The following CARMIL3 variants were observed in gnomAD, a reference collection of about 807,000 sequenced individuals.
CARMIL3 encodes capping protein regulator and myosin 1 linker 3, also known as capping protein, Arp2/3 and myosin-I linker protein 3.
CARMIL3 carries 88 observed loss-of-function variants against 180.8 expected under a neutral mutation model. The ratio of observed to expected loss-of-function variants is 0.49; its 90% CI spans 0.41 to 0.58. The LOEUF (loss-of-function observed/expected upper bound fraction) is 0.58, where lower values mean the gene tolerates loss of function less well. Among genes scored for constraint, CARMIL3 ranks in the 20% least tolerant of loss-of-function variants. The pLI is 0.00. For synonymous variants in CARMIL3, 696 were observed against 714.5 expected (o/e 0.97, Z 0.41); for missense variants, 1,548 against 1,787.0 (o/e 0.87, Z 2.41).
rs747254517 is a variant in CARMIL3 at position 24,054,478 on chromosome 14, G to A, written c.329G>A (p.Ser110Asn). The change falls in exon 5 of 40, where the codon AGC becomes AAC. Residue 110 changes from serine to asparagine, a missense_variant. Physicochemically the swap from Ser to Asn is conservative, Grantham distance 46. Around this residue, in one of 4 missense-constraint regions of CARMIL3, gnomAD observed 578 missense variants for 666.5 expected, o/e 0.87. Transcript: ENST00000342740. This position sits in a 1 kb window ranked among gnomAD's most constrained non-coding sequence, Gnocchi z 5.1. ...ESVDQVTRHV[S>N]SALSKVCPGP... The stretch of plus-strand genomic sequence containing the variant: ...GTGGACCAGGTGACACGACATGTGA[G>A]CTCTGCCCTGTCCAAGGTCTGCCCT... 3.1e-6 allele frequency: 5 copies of A among 1,613,992 alleles called. No homozygotes were observed. The highest frequency in any genetic ancestry group is 4.2e-6 in the Non-Finnish European group (5 of 1,180,038).
chr14:24,055,570 G>A lies in CARMIL3; in HGVS notation c.633G>A (p.Leu211=). 1.2e-6 allele frequency: 2 copies of A among 1,614,114 alleles called. No individual in the cohort carries two copies. ...ACTTGGCCCTAATGGTAGCAGCCCT[G>A]GCCTACAACCAGTGGTTCACCAAAC... is the stretch of plus-strand genomic sequence containing the variant. ...SRDLALMVAA[L]AYNQWFTKLY... is the part of the protein sequence containing the mutation. Residue 211 remains leucine (L), a synonymous_variant, in exon 9 of 40, where the codon CTG becomes CTA. Coordinates refer to ENST00000342740, the MANE Select transcript of CARMIL3 (RefSeq NM_138360.4).
chr14:24,064,016 C>A (rs2035759239), intron 31 of CARMIL3, among the ~76,000 whole-genome samples: 1 of 150,730 alleles, frequency 6.6e-6, no homozygotes, highest in African/African-American at 2.4e-5. Flanking sequence ...ACTGCGTGAA[C>A]CCAGGAGGCG....
chr14:24,056,852 T>A, intron 12 of CARMIL3, 63 bp from the exon 13 acceptor site: 2 of 1,561,744 alleles, frequency 1.3e-6, no homozygotes, highest in Non-Finnish European at 1.8e-6. Context: ...AGGGGAAGAG[T>A]TATGTGCTGA....
chr14:24,053,636 A>G lies in CARMIL3; in HGVS notation c.41-73A>G, dbSNP rs80006634. ...CCCATTTGACCCTGACCCTGCCTCTATCTGGAGAGCTCTGGGAGGTGGGGG... is the reference window on the plus strand; with the variant it reads ...CCCATTTGACCCTGACCCTGCCTCTGTCTGGAGAGCTCTGGGAGGTGGGGG... On this transcript the variant is annotated intron_variant, in intron 1 of 39. Transcript: ENST00000342740. 6.6e-4 allele frequency: 748 copies of G among 1,124,996 alleles called. 6 individuals are homozygous for G. In the African/African-American group the frequency reaches 0.01, roughly 15 times the overall value. 69.7% of individuals were successfully genotyped at this position (1,124,996 alleles called of 1,614,324 possible).
chr14:24,060,057 G>C lies in CARMIL3; in HGVS notation c.1956G>C (p.Trp652Cys), dbSNP rs2035716583. The C allele has an allele frequency of 6.2e-7, 1 of 1,613,758 alleles. No individual in the cohort carries two copies. The highest frequency in any genetic ancestry group is 8.5e-7 in the Non-Finnish European group (1 of 1,180,036). The change falls in exon 23 of 40, where the codon TGG (tryptophan) becomes TGC (cysteine). Residue 652 changes from tryptophan to cysteine, a missense_variant. By Grantham distance (215) the Trp-to-Cys change is radical. Around this residue, in one of 4 missense-constraint regions of CARMIL3, gnomAD observed 297 missense variants for 415.9 expected, o/e 0.71. Coordinates refer to ENST00000342740, the MANE Select transcript of CARMIL3 (RefSeq NM_138360.4). ...CGCCTGAGCGCACCGAGGACGTCTGGCAGAAGGTGCAGGGTGCTGTCCTAA... is the reference window on the plus strand; with the variant it reads ...CGCCTGAGCGCACCGAGGACGTCTGCCAGAAGGTGCAGGGTGCTGTCCTAA... ...RSAPERTEDV[W>C]QKIQWCLVRN... is the part of the protein sequence containing the mutation.
In CARMIL3 at chr14:24,069,546, G is replaced by A. The variant is rs2035842194; in HGVS notation, c.*142G>A. ...CAGGACCAGGCATGGGGGAGCTGGAGGCAGGGACTAGAACAGAGGGAGCCA... is the reference window on the plus strand; with the variant it reads ...CAGGACCAGGCATGGGGGAGCTGGAAGCAGGGACTAGAACAGAGGGAGCCA... On this transcript the variant is annotated 3_prime_UTR_variant, in exon 40 of 40. Coordinates refer to ENST00000342740, the MANE Select transcript of CARMIL3 (RefSeq NM_138360.4). The A allele has an allele frequency of 2.7e-6, 3 of 1,097,706 alleles. No individual in the cohort carries two copies. The African/African-American group carries it at 4.7e-5, about 17-fold the overall frequency. 68.0% of individuals were successfully genotyped at this position (1,097,706 alleles called of 1,614,324 possible).
In CARMIL3 at chr14:24,054,663, T is replaced by A; in HGVS notation, c.363-48T>A. On this transcript the variant is annotated intron_variant, in intron 5 of 39. Coordinates refer to ENST00000342740, the MANE Select transcript of CARMIL3 (RefSeq NM_138360.4). This position sits in a 1 kb window ranked among gnomAD's most constrained non-coding sequence, Gnocchi z 5.1. ...GCAGGAGCTATAACGTGGGAAGAAC[T>A]GAGAGCCTCTTTCCAGCCCTCTCTG... 6.3e-7 allele frequency: 1 copy of A among 1,578,124 alleles called. No individual in the cohort carries two copies. Among genetic ancestry groups the A allele is most frequent in the South Asian group, 1.1e-5 (1 of 89,746 alleles).
chr14:24,055,839 AG>A (rs1555335645), intron 10 of CARMIL3, 50 bp downstream of exon 10: 9 of 1,539,612 alleles, frequency 5.8e-6, no homozygotes, highest in Non-Finnish European at 8.1e-6. Context: ...ATGTAGTTTT[AG>A]GGTCCCAGAA....
In CARMIL3 at chr14:24,069,369, TC is replaced by T. The variant is rs1316113687; in HGVS notation, c.4094-6del. 5 of 1,613,886 alleles carry T rather than the reference TC, an allele frequency of 3.1e-6. No individual in the cohort carries two copies. Among genetic ancestry groups the T allele is most frequent in the Admixed American group, 3.3e-5 (2 of 59,986 alleles). The stretch of plus-strand genomic sequence containing the variant: ...CAGGAAACAGGGCTCCCTGGATTTG[TC>T]CCCAGCAGGAACCAGTGAGCCAGGA... On this transcript the variant is annotated splice_polypyrimidine_tract_variant and intron_variant, in intron 39 of 39. Transcript: ENST00000342740.
chr14:24,061,171 G>A lies in CARMIL3; in HGVS notation c.2304+131G>A, dbSNP rs912060634. On this transcript the variant is annotated intron_variant, in intron 26 of 39. Transcript: ENST00000342740. This position sits in a 1 kb window ranked among gnomAD's most constrained non-coding sequence, Gnocchi z 4.1. ...GACATGCAGAGTTGAGACCACCCAC[G>A]CTCCCACTGTACCAAGGCATTGCTG... is the stretch of plus-strand genomic sequence containing the variant. 70 of 751,852 alleles carry A rather than the reference G, an allele frequency of 9.3e-5. No individual in the cohort carries two copies. Among genetic ancestry groups the A allele is most frequent in the African/African-American group, 9.1e-4 (52 of 56,870 alleles). The allele number at this position is 751,852 out of a possible 1,614,324, so 46.6% of individuals were successfully genotyped here. A position where few individuals can be genotyped will look rare whatever the true frequency, so the allele number is the denominator to read the frequency against.
Position 24,064,288 on chromosome 14 carries a change from C to A in CARMIL3, c.3022C>A (p.Arg1008Ser). ...GTRQENGMAT[R>S]LDEGLEDFFS... ...TCGTCAGGAGAATGGGATGGCCACC[C>A]GCCTGGATGAAGGGCTGGAGGACTT... The change falls in exon 32 of 40, where the codon CGC becomes AGC. Residue 1008 changes from arginine to serine, a missense_variant. Physicochemically the swap from Arg to Ser is moderately radical, Grantham distance 110 (BLOSUM62 -1). Transcript: ENST00000342740. The A allele has an allele frequency of 1.9e-6, 3 of 1,612,974 alleles. No homozygotes were observed. Among genetic ancestry groups the A allele is most frequent in the South Asian group, 1.1e-5 (1 of 90,786 alleles).
Position 24,061,195 on chromosome 14 carries a change from T to C in CARMIL3, c.2304+155T>C, listed in dbSNP as rs1245410473. On this transcript the variant is annotated intron_variant, in intron 26 of 39. Coordinates refer to ENST00000342740, the MANE Select transcript of CARMIL3 (RefSeq NM_138360.4). The surrounding 1 kb of genome is among the most constrained non-coding windows in gnomAD (Gnocchi z 4.1). ...CGCTCCCACTGTACCAAGGCATTGC[T>C]GCAATATCAGGCTTGGATTTTTTTC... The C allele has an allele frequency of 1.3e-5, 9 of 681,198 alleles. No individual in the cohort carries two copies. The highest frequency in any genetic ancestry group is 3.9e-5 in the South Asian group (2 of 51,522). The allele number at this position is 681,198 out of a possible 1,614,324, so 42.2% of individuals were successfully genotyped here.
Position 24,059,787 on chromosome 14 carries a change from A to G in CARMIL3, c.1868+55A>G. The G allele has an allele frequency of 6.3e-7, 1 of 1,585,060 alleles. No individual in the cohort carries two copies. Among genetic ancestry groups the G allele is most frequent in the South Asian group, 1.1e-5 (1 of 90,224 alleles). ...AAGTCCCCAGCCTCCCTGTGCCTGG[A>G]TCAGGCCTGAACTACTCTTGCCCCA... On this transcript the variant is annotated intron_variant, in intron 22 of 39. Coordinates refer to ENST00000342740, the MANE Select transcript of CARMIL3 (RefSeq NM_138360.4). The surrounding 1 kb of genome is among the most constrained non-coding windows in gnomAD (Gnocchi z 6.3).
rs1216471717 is a variant in CARMIL3, at chr14:24,059,519, G to C, written c.1799+77G>C. The C allele has an allele frequency of 6.6e-7, 1 of 1,524,930 alleles. No homozygotes were observed. The highest frequency in any genetic ancestry group is 8.9e-7 in the Non-Finnish European group (1 of 1,127,144). The allele number at this position is 1,524,930 out of a possible 1,614,324, so 94.5% of individuals were successfully genotyped here. On this transcript the variant is annotated intron_variant, in intron 21 of 39. Transcript: ENST00000342740. This position sits in a 1 kb window ranked among gnomAD's most constrained non-coding sequence, Gnocchi z 6.3. ...TGTACATAATCTCCCTGCTTTCCTT[G>C]ATGCTCTGGACCCCAGCTTCCAGAA...
intron 31 of CARMIL3, 64 bp downstream of exon 31, chr14:24,063,597 A>C: frequency 6.8e-7 from 1 of 1,470,678 alleles, no homozygotes; most frequent in Non-Finnish European, 9.2e-7. Context: ...CAGGAGTTTT[A>C]CCTTTAGGAC....
chr14:24,057,812 G>A lies in CARMIL3; in HGVS notation c.1150G>A (p.Ala384Thr), dbSNP rs2035687068. ...TDCVIDLLLGALLHGCCSHLT... is the reference protein window; with the variant it reads ...TDCVIDLLLGTLLHGCCSHLT... Reference sequence around the variant, plus strand: ...ATATCTCCCCCCACAGCTTCTCGGTGCCCTGCTCCACGGCTGCTGCTCCCA... The same window carrying A: ...ATATCTCCCCCCACAGCTTCTCGGTACCCTGCTCCACGGCTGCTGCTCCCA... The change falls in exon 15 of 40, where the codon GCC becomes ACC. Residue 384 changes from alanine to threonine, a missense_variant. By Grantham distance (58) the Ala-to-Thr change is moderately conservative (BLOSUM62 0). Around this residue, in one of 4 missense-constraint regions of CARMIL3, gnomAD observed 578 missense variants for 666.5 expected, o/e 0.87. Transcript: ENST00000342740. The A allele has an allele frequency of 6.2e-7, 1 of 1,609,322 alleles. No homozygotes were observed. The highest frequency in any genetic ancestry group is 1.3e-5 in the African/African-American group (1 of 74,584).
intron 13 of CARMIL3, 45 bp downstream of exon 13, chr14:24,057,069 A>C: frequency 1.9e-6 from 3 of 1,600,250 alleles, no homozygotes; most frequent in Non-Finnish European, 2.6e-6. Context: ...AAGCATGCTT[A>C]AGCTTCAGGA....
chr14:24,068,588 A>G lies in CARMIL3; in HGVS notation c.3687A>G (p.Glu1229=), dbSNP rs751396590. 19 of 1,610,800 alleles carry G rather than the reference A, an allele frequency of 1.2e-5. No homozygotes were observed. The East Asian group carries it at 3.8e-4, about 32-fold the overall frequency. Residue 1229 remains glutamate (E), a synonymous_variant, in exon 37 of 40, where the codon GAA becomes GAG. Coordinates refer to ENST00000342740, the MANE Select transcript of CARMIL3 (RefSeq NM_138360.4). ...TCTCCTCTCTCTCATCCCCAGCTGAAGAGAGTGCCCCCAACCACAGCTGCC... is the reference window on the plus strand; with the variant it reads ...TCTCCTCTCTCTCATCCCCAGCTGAGGAGAGTGCCCCCAACCACAGCTGCC... The part of the protein sequence containing the change: ...RRAEATWHIA[E]ESAPNHSCQS...
In CARMIL3 at chr14:24,063,167, G is replaced by A. The variant is rs750048714; in HGVS notation, c.2754G>A (p.Pro918=). ...KKQKRCRKIR[P]VSAFISGSPQ... ...AGAAACGCTGCCGCAAGATTCGGCCGGTGTCTGCCTTCATCAGTGAGTCTC... is the reference window on the plus strand; with the variant it reads ...AGAAACGCTGCCGCAAGATTCGGCCAGTGTCTGCCTTCATCAGTGAGTCTC... The change falls in exon 30 of 40, where the codon CCG becomes CCA. Residue 918 remains proline (P), a synonymous_variant. Coordinates refer to ENST00000342740, the MANE Select transcript of CARMIL3 (RefSeq NM_138360.4). The A allele has an allele frequency of 1.1e-5, 18 of 1,613,144 alleles. No homozygotes were observed. The highest frequency in any genetic ancestry group is 1.3e-5 in the Non-Finnish European group (15 of 1,179,186).
Sources: allele counts gnomAD v4.1 joint callset (sites outside exome capture counted in the v4.1 genomes callset), GRCh38; gene constraint gnomAD v4.1.1; regional missense constraint gnomAD v4.1.1; non-coding constraint Gnocchi (gnomAD v3.1); transcripts MANE v1.5; gene names NCBI Gene and HGNC (gene_info 2026-07-23, HGNC 2026-07-21).